The following RICTOR variants were observed in gnomAD, a reference collection of about 807,000 sequenced individuals.
RICTOR encodes RPTOR independent companion of MTOR complex 2.
In RICTOR, 49 loss-of-function variants were observed where a neutral mutation model predicts 214.9. That is an observed-to-expected ratio of 0.23 (90% CI 0.18 to 0.29). The LOEUF is 0.29. Among genes scored for constraint, RICTOR ranks in the 10% least tolerant of loss-of-function variants. RICTOR has a pLI of 1.00. For synonymous variants in RICTOR, 717 were observed against 711.3 expected, an observed-to-expected ratio of 1.01 and a Z score of -0.13; for missense variants, 1,625 against 2,047.0, an observed-to-expected ratio of 0.79 and a Z score of 3.98.
intron 2 of RICTOR, among the ~76,000 whole-genome samples, chr5:39,023,485 A>T (rs1483210989): frequency 6.6e-6 from 1 of 152,250 alleles, no homozygotes. Context: ...ATATGGCCTT[A>T]TAGGCAGTAG....
intron 2 of RICTOR, among the ~76,000 whole-genome samples, chr5:39,039,831 G>A (rs1308690324): frequency 6.6e-6 from 1 of 152,130 alleles, no homozygotes; most frequent in African/African-American, 2.4e-5. Flanking sequence ...GTGCTGGAGA[G>A]GATGTGGAGA....
chr5:38,957,726 G>C lies in RICTOR; in HGVS notation c.2425C>G (p.Leu809Val). The stretch of plus-strand genomic sequence containing the variant: ...TAGGAAAATCCTTTTGGAATGGAGA[G>C]AAATCTGCAAATTAAAACAAGCAAT... The part of the protein sequence containing the change: ...DKGLLLLLRF[L>V]SIPKGFSYLN... Residue 809 changes from leucine to valine, a missense_variant, in exon 25 of 38, where the codon CTC becomes GTC. Around this residue, in one of 5 missense-constraint regions of RICTOR, gnomAD observed 1,214 missense variants for 1,470.5 expected, o/e 0.83. Coordinates refer to ENST00000357387, the MANE Select transcript of RICTOR (RefSeq NM_152756.5). The C allele has an allele frequency of 6.4e-7, 1 of 1,558,060 alleles. No homozygotes were observed. Among genetic ancestry groups the C allele is most frequent in the Non-Finnish European group, 8.8e-7 (1 of 1,138,280 alleles).
At chr5:38,974,895 A>T (rs147906617) in intron 10 of RICTOR, among the ~76,000 whole-genome samples, 29 of 152,310 alleles carry the variant, frequency 1.9e-4, no homozygotes, top group Non-Finnish European at 3.5e-4. Flanking sequence ...GCTTATTGCT[A>T]CTTCTTTTCC....
chr5:39,044,470 T>A lies in RICTOR; in HGVS notation c.98-23334A>T, dbSNP rs939398613. 9.9e-5 allele frequency among the ~76,000 whole-genome samples: 15 copies of A among 152,160 alleles called. No homozygotes were observed. In the East Asian group the frequency reaches 2.9e-3, roughly 29 times the overall value. On this transcript the variant is annotated intron_variant, in intron 2 of 37. Coordinates refer to ENST00000357387, the MANE Select transcript of RICTOR (RefSeq NM_152756.5). ...GACAAGGGACTTACTATCTTATGAG[T>A]AGTTATAATAATGATAGTTATAATA...
chr5:38,942,731 T>C, intron 37 of RICTOR, 102 bp downstream of exon 37: 1 of 918,238 alleles, frequency 1.1e-6, no homozygotes, highest in South Asian at 1.6e-5. Flanking sequence ...GCTGGGATTG[T>C]AGGCATGAGT....
chr5:39,011,820 A>G (rs746711229), intron 3 of RICTOR, among the ~76,000 whole-genome samples: 5 of 152,100 alleles, frequency 3.3e-5, no homozygotes, highest in Non-Finnish European at 4.4e-5. Flanking sequence ...CCCTCATTGT[A>G]TCTAGGAAGT....
At chr5:39,024,843 C>G (rs903197836) in intron 2 of RICTOR, among the ~76,000 whole-genome samples, 1 of 152,152 alleles carries the variant, frequency 6.6e-6, no homozygotes, top group African/African-American at 2.4e-5. Flanking sequence ...TTTAAAACCA[C>G]AATCTTGTTA....
rs147960147 is a variant in RICTOR, at chr5:39,029,087, T to TA, written c.98-7952dup. 6.9e-3 allele frequency among the ~76,000 whole-genome samples: 1,049 copies of TA among 152,172 alleles called. 50 individuals are homozygous for TA. The East Asian group carries it at 0.12, about 17-fold the overall frequency. Reference sequence around the variant, plus strand: ...AAATCAGATAGTGATTGCTGGAAGATAAAGTAACCAATTGGAAACAGGCAA... The same window carrying TA: ...AAATCAGATAGTGATTGCTGGAAGATAAAAGTAACCAATTGGAAACAGGCAA... On this transcript the variant is annotated intron_variant, in intron 2 of 37. Coordinates refer to ENST00000357387, the MANE Select transcript of RICTOR (RefSeq NM_152756.5).
intron 7 of RICTOR, 73 bp downstream of exon 7, chr5:38,990,876 A>AGATATAT (rs1561503902): frequency 8.1e-5 from 67 of 822,834 alleles, no homozygotes; most frequent in East Asian, 5.9e-4. Context: ...GATATATGAT[A>AGATATAT]GATATATATA....
chr5:38,961,710 C>T (rs1263400082), intron 19 of RICTOR, among the ~76,000 whole-genome samples: 2 of 152,070 alleles, frequency 1.3e-5, no homozygotes, highest in Non-Finnish European at 2.9e-5. Context: ...TATTAGGTTA[C>T]ATATCATGAA....
intron 9 of RICTOR, 108 bp from the exon 10 acceptor site, chr5:38,975,712 T>C: frequency 1.3e-6 from 1 of 778,570 alleles, no homozygotes; most frequent in Non-Finnish European, 2.2e-6. Context: ...GTTTAAACAT[T>C]TACACATAAA....
intron 2 of RICTOR, among the ~76,000 whole-genome samples, chr5:39,023,505 T>A (rs1755588074): frequency 6.6e-6 from 1 of 152,206 alleles, no homozygotes; most frequent in South Asian, 2.1e-4. Context: ...GTTTGCCACC[T>A]CCGGAATAGA....
chr5:39,002,873 T>C (rs1753745551), intron 4 of RICTOR, among the ~76,000 whole-genome samples: 5 of 152,146 alleles, frequency 3.3e-5, no homozygotes, highest in Admixed American at 2.6e-4. Flanking sequence ...GCCTCCTTAG[T>C]ACATTCTTAC....
rs370391058 is a variant in RICTOR at position 39,021,025 on chromosome 5, T to A, written c.195+14A>T. ...AAAGAATTTTAGACAATAATAAAAA[T>A]TCAAGTTACTTACCTTAGTAAAGTT... On this transcript the variant is annotated intron_variant, in intron 3 of 37. Coordinates refer to ENST00000357387, the MANE Select transcript of RICTOR (RefSeq NM_152756.5). 1 of 1,264,608 alleles carries A rather than the reference T, an allele frequency of 7.9e-7. No individual in the cohort carries two copies. Among genetic ancestry groups the A allele is most frequent in the African/African-American group, 1.5e-5 (1 of 68,154 alleles). The allele number at this position is 1,264,608 out of a possible 1,614,324, so 78.3% of individuals were successfully genotyped here.
intron 31 of RICTOR, chr5:38,949,391 C>T: frequency 6.3e-7 from 1 of 1,592,060 alleles, no homozygotes; most frequent in Non-Finnish European, 8.5e-7. Context: ...GTCTTAAGCT[C>T]CTGATTCCCC....
At chr5:39,073,821 G>C (rs1180727075) in intron 2 of RICTOR, among the ~76,000 whole-genome samples, 1 of 152,154 alleles carries the variant, frequency 6.6e-6, no homozygotes, top group Non-Finnish European at 1.5e-5. Flanking sequence ...CGGAGCTCGA[G>C]CCCAGAGGGT....
intron 2 of RICTOR, among the ~76,000 whole-genome samples, chr5:39,065,947 G>A (rs1486038100): frequency 6.6e-6 from 1 of 152,236 alleles, no homozygotes; most frequent in Non-Finnish European, 1.5e-5. Context: ...AACTGCCAGT[G>A]GATCTACCAT....
At chr5:39,042,073 G>A (rs1239952127) in intron 2 of RICTOR, among the ~76,000 whole-genome samples, 2 of 151,774 alleles carry the variant, frequency 1.3e-5, no homozygotes, top group Admixed American at 1.3e-4. Context: ...CAATTCCAGG[G>A]TCAAGTGTGC....
rs1450043561 is a variant in RICTOR at position 39,036,015 on chromosome 5, C to G, written c.98-14879G>C. ...GAGCAACTCCAAGACACGTAACTGT[C>G]AGATTCACCAAAGTTGAAATGAAGG... On this transcript the variant is annotated intron_variant, in intron 2 of 37. Coordinates refer to ENST00000357387, the MANE Select transcript of RICTOR (RefSeq NM_152756.5). Among the ~76,000 whole-genome samples the G allele has an allele frequency of 3.3e-5, 5 of 152,146 alleles. No homozygotes were observed. The South Asian group carries it at 6.2e-4, about 19-fold the overall frequency.
Sources: gnomAD v4.1 joint callset for allele counts (sites outside exome capture counted in the v4.1 genomes callset) on GRCh38, gnomAD v4.1.1 for gene constraint, gnomAD v4.1.1 regional missense constraint, MANE v1.5 for transcripts, NCBI Gene and HGNC (gene_info 2026-07-23, HGNC 2026-07-21) for gene names.